EPB41L4B: variants seen among roughly 807,000 people sequenced by gnomAD.
EPB41L4B encodes the protein band 4.1-like protein 4B.
Under a neutral mutation model 112.5 loss-of-function variants are expected in EPB41L4B, and 30 were observed. That is an observed-to-expected ratio of 0.27 (90% CI 0.20 to 0.36). The LOEUF (loss-of-function observed/expected upper bound fraction) is 0.36. Among genes scored for constraint, EPB41L4B ranks in the 10% least tolerant of loss-of-function variants. The pLI is 1.00. For synonymous variants in EPB41L4B, 408 were observed against 439.7 expected (o/e 0.93, Z 0.90); for missense variants, 1,024 against 1,133.3 (o/e 0.90, Z 1.38).
chr9:109,185,626 G>A, intron 22 of EPB41L4B, 21 bp from the exon 23 acceptor site: 1 of 1,579,714 alleles, frequency 6.3e-7, no homozygotes, highest in Non-Finnish European at 8.6e-7. Context: ...GGAGAGGAGA[G>A]AAGGGGAGGA....
intron 1 of EPB41L4B, among the ~76,000 whole-genome samples, chr9:109,283,228 T>C (rs1836137602): frequency 6.6e-6 from 1 of 152,192 alleles, no homozygotes. Context: ...GTGGGCAGGG[T>C]TCTCCCCTGA....
At chr9:109,301,124 AC>A in intron 1 of EPB41L4B, 1 of 152,172 alleles carries the variant, frequency 6.6e-6, no homozygotes, top group African/African-American at 2.4e-5. Flanking sequence ...CACAAAACAA[AC>A]CCTCTTCTTG....
At position 109,279,893 on chromosome 9, in the gene EPB41L4B, T is replaced by G; in HGVS notation, c.335A>C (p.Asp112Ala). Residue 112 changes from aspartate to alanine, a missense_variant, in exon 2 of 26, where the codon GAT becomes GCT. By Grantham distance (126) the Asp-to-Ala change is moderately radical. Transcript: ENST00000374566. ...PKHAKGQDLFDQIVYHLDLVE... is the reference protein window; with the variant it reads ...PKHAKGQDLFAQIVYHLDLVE... ...AAGGTCCAAGTGGTACACAATCTGA[T>G]CAAACAAATCCTGGCCTTTGGCATG... 1 of 1,613,982 alleles carries G rather than the reference T, an allele frequency of 6.2e-7. No individual in the cohort carries two copies. Among genetic ancestry groups the G allele is most frequent in the Non-Finnish European group, 8.5e-7 (1 of 1,179,994 alleles).
chr9:109,221,242 G>A (rs756804372), intron 15 of EPB41L4B, among the ~76,000 whole-genome samples: 2 of 152,116 alleles, frequency 1.3e-5, no homozygotes, highest in African/African-American at 2.4e-5. Flanking sequence ...GGGAGGGAGG[G>A]GGAGGAAGGA....
chr9:109,300,723 T>C (rs1267329415), intron 1 of EPB41L4B: 1 of 152,134 alleles, frequency 6.6e-6, no homozygotes, highest in East Asian at 1.9e-4. Context: ...GAGATGGACA[T>C]TGCTGTGAGC....
chr9:109,234,903 G>T (rs1012768866), intron 15 of EPB41L4B, among the ~76,000 whole-genome samples: 5 of 152,216 alleles, frequency 3.3e-5, no homozygotes, highest in African/African-American at 1.2e-4. Context: ...ACAAAGCACA[G>T]TGGTTCCCTT....
chr9:109,321,008 A>G lies in EPB41L4B; in HGVS notation c.-562T>C. On this transcript the variant is annotated 5_prime_UTR_variant, in exon 1 of 26. Transcript: ENST00000374566. ...CTCCCACCTGGGAGGCTGCACCTCC[A>G]GCCGCCGCCGCCGCCGCCGCCGCCG... The G allele has an allele frequency of 5.5e-6, 1 of 181,204 alleles. No homozygotes were observed. Among genetic ancestry groups the G allele is most frequent in the Non-Finnish European group, 1.1e-5 (1 of 91,286 alleles). The allele number at this position is 181,204 out of a possible 1,614,324, so 11.2% of individuals were successfully genotyped here. A position where few individuals can be genotyped will look rare whatever the true frequency, so the allele number is the denominator to read the frequency against.
intron 1 of EPB41L4B, among the ~76,000 whole-genome samples, chr9:109,304,965 G>A (rs1345689997): frequency 2.6e-4 from 39 of 151,994 alleles, no homozygotes; most frequent in Admixed American, 2.6e-3. Flanking sequence ...AGTAATGATG[G>A]TTTCTCAACA....
At chr9:109,301,952 A>C (rs1836985767) in intron 1 of EPB41L4B, among the ~76,000 whole-genome samples, 1 of 152,212 alleles carries the variant, frequency 6.6e-6, no homozygotes, top group Non-Finnish European at 1.5e-5. Flanking sequence ...CATTTTTGTC[A>C]ATAAACTATT....
chr9:109,268,295 C>T lies in EPB41L4B; in HGVS notation c.454+96G>A, dbSNP rs1588190308. 2.6e-6 allele frequency: 3 copies of T among 1,145,944 alleles called. No homozygotes were observed. In the South Asian group the frequency reaches 4.5e-5, roughly 17 times the overall value. The allele number at this position is 1,145,944 out of a possible 1,614,324, so 71.0% of individuals were successfully genotyped here. A position where few individuals can be genotyped will look rare whatever the true frequency, so the allele number is the denominator to read the frequency against. ...TACCGAATTGATTTTTAAAATGCTT[C>T]CAAGTTCTAATGAAAACATAACACC... On this transcript the variant is annotated intron_variant, in intron 3 of 25. Transcript: ENST00000374566.
chr9:109,235,212 G>T (rs1834096378), intron 15 of EPB41L4B, among the ~76,000 whole-genome samples: 1 of 152,016 alleles, frequency 6.6e-6, no homozygotes, highest in Non-Finnish European at 1.5e-5. Context: ...TTCCTCAAAA[G>T]ATCCCCATGG....
intron 15 of EPB41L4B, among the ~76,000 whole-genome samples, chr9:109,238,644 G>C (rs1000724056): frequency 5.3e-5 from 8 of 152,116 alleles, no homozygotes; most frequent in Admixed American, 1.3e-4. Context: ...AAAGCTGTAA[G>C]TGCAACGTTG....
At chr9:109,197,027 A>C (rs943496461) in intron 20 of EPB41L4B, among the ~76,000 whole-genome samples, 1 of 152,226 alleles carries the variant, frequency 6.6e-6, no homozygotes, top group Non-Finnish European at 1.5e-5. Flanking sequence ...TGTATCTCAA[A>C]AATGATGATG....
chr9:109,229,794 C>T (rs914248103), intron 15 of EPB41L4B, among the ~76,000 whole-genome samples: 8 of 152,174 alleles, frequency 5.3e-5, no homozygotes, highest in Non-Finnish European at 8.8e-5. Context: ...TCTCCCAGTC[C>T]TTGGAGTAAG....
intron 21 of EPB41L4B, among the ~76,000 whole-genome samples, chr9:109,193,491 G>A (rs1832533797): frequency 6.6e-6 from 1 of 152,230 alleles, no homozygotes; most frequent in South Asian, 2.1e-4. Context: ...AGTGAGTGCT[G>A]TGGCTTATGA....
At position 109,272,439 on chromosome 9, in the gene EPB41L4B, G is replaced by A. The variant is rs1835658992; in HGVS notation, c.412-4006C>T. Among the ~76,000 whole-genome samples the A allele has an allele frequency of 3.3e-5, 5 of 152,142 alleles. 1 individual carries two copies. In the South Asian group the frequency reaches 1.0e-3, roughly 32 times the overall value. On this transcript the variant is annotated intron_variant, in intron 2 of 25. Transcript: ENST00000374566. The stretch of plus-strand genomic sequence containing the variant: ...ATCACACTACTGCACTCCAGCCTGG[G>A]TGACAATAAGACCCTGTGTATATTA...
intron 2 of EPB41L4B, among the ~76,000 whole-genome samples, chr9:109,276,422 T>C (rs1217561972): frequency 6.6e-6 from 1 of 152,068 alleles, no homozygotes. Flanking sequence ...GCAGGCATCA[T>C]AAGACCCAGA....
chr9:109,202,084 A>G (rs185308863), intron 19 of EPB41L4B, among the ~76,000 whole-genome samples: 2 of 152,128 alleles, frequency 1.3e-5, no homozygotes, highest in African/African-American at 4.8e-5. Flanking sequence ...CTTGGTGACC[A>G]ATTAGATGAG....
Position 109,263,036 on chromosome 9 carries a change from A to G in EPB41L4B, c.631+14T>C, listed in dbSNP as rs759067055. On this transcript the variant is annotated intron_variant, in intron 6 of 25. Transcript: ENST00000374566. ...TAACATTAAAATGCTAATTACTACT[A>G]AAGATTAATGTACCTTGTAGACAGA... is the stretch of plus-strand genomic sequence containing the variant. 1.3e-5 allele frequency: 20 copies of G among 1,566,550 alleles called. No individual in the cohort carries two copies. Among genetic ancestry groups the G allele is most frequent in the Non-Finnish European group, 1.7e-5 (19 of 1,143,956 alleles).
Sources: allele counts gnomAD v4.1 joint callset (sites outside exome capture counted in the v4.1 genomes callset), GRCh38; gene constraint gnomAD v4.1.1; transcripts MANE v1.5; gene names NCBI Gene and HGNC (gene_info 2026-07-23, HGNC 2026-07-21).